The following ZNF804B variants were observed in gnomAD, a reference collection of about 807,000 sequenced individuals.
ZNF804B encodes zinc finger protein 804B.
Under a neutral mutation model 101.4 loss-of-function variants are expected in ZNF804B, and 80 were observed. The observed-to-expected ratio is 0.79, with a 90% confidence interval of 0.66 to 0.95. The LOEUF (loss-of-function observed/expected upper bound fraction) is 0.95, where lower values mean the gene tolerates loss of function less well. Among genes scored for constraint, ZNF804B ranks in the 40% least tolerant of loss-of-function variants. ZNF804B has a pLI of 0.00. For missense variants in ZNF804B, 1,673 were observed against 1,561.9 expected (o/e 1.07, Z -1.20); for synonymous variants, 622 against 558.8 (o/e 1.11, Z -1.59).
chr7:89,194,394 A>G (rs947820677), intron 1 of ZNF804B, among the ~76,000 whole-genome samples: 13 of 150,714 alleles, frequency 8.6e-5, no homozygotes, highest in African/African-American at 2.7e-4. Context: ...GCCCATGCCT[A>G]TGTCCTGAAT....
intron 1 of ZNF804B, among the ~76,000 whole-genome samples, chr7:88,849,649 G>A (rs572887869): frequency 5.3e-5 from 8 of 151,242 alleles, no homozygotes; most frequent in East Asian, 3.9e-4. Flanking sequence ...ACAGGTGCCC[G>A]CCACCACACC....
chr7:88,799,978 T>C (rs944160970), intron 1 of ZNF804B, among the ~76,000 whole-genome samples: 3 of 152,036 alleles, frequency 2.0e-5, no homozygotes. Context: ...GGTTGTGCAC[T>C]TACTAAACTT....
In ZNF804B at chr7:89,336,906, C is replaced by A; in HGVS notation, c.3924C>A (p.Ile1308=). Residue 1308 remains isoleucine (I), a synonymous_variant, in exon 4 of 4, where the codon ATC becomes ATA. Coordinates refer to ENST00000333190, the MANE Select transcript of ZNF804B (RefSeq NM_181646.5). ...TAAATCCAGCCACAACTTCTATCAT[C>A]CACTTGAATCCTTTAATCCAACCAG... ...PHLNPATTSI[I]HLNPLIQPVF... is the part of the protein sequence containing the mutation. The A allele has an allele frequency of 6.2e-7, 1 of 1,614,100 alleles. No individual in the cohort carries two copies. Among genetic ancestry groups the A allele is most frequent in the Non-Finnish European group, 8.5e-7 (1 of 1,179,994 alleles).
chr7:88,984,640 C>A (rs1370400395), intron 1 of ZNF804B, among the ~76,000 whole-genome samples: 1 of 151,972 alleles, frequency 6.6e-6, no homozygotes, highest in African/African-American at 2.4e-5. Flanking sequence ...AGTATCAATG[C>A]AAAAATTCTT....
At chr7:88,765,749 A>G (rs894055706) in intron 1 of ZNF804B, among the ~76,000 whole-genome samples, 12 of 152,326 alleles carry the variant, frequency 7.9e-5, no homozygotes, top group Admixed American at 7.8e-4. Flanking sequence ...AGCCTTTTGT[A>G]GATTGATTTC....
intron 2 of ZNF804B, among the ~76,000 whole-genome samples, chr7:89,326,133 T>G (rs1790892258): frequency 6.6e-6 from 1 of 152,054 alleles, no homozygotes; most frequent in Non-Finnish European, 1.5e-5. Context: ...TTCTTGAAAT[T>G]TTCTATTTTT....
chr7:88,765,960 T>C (rs1789976911), intron 1 of ZNF804B, among the ~76,000 whole-genome samples: 1 of 152,138 alleles, frequency 6.6e-6, no homozygotes, highest in Non-Finnish European at 1.5e-5. Flanking sequence ...GCATTTTCAG[T>C]TGTAGCTAAG....
chr7:88,793,007 G>A (rs1234537704), intron 1 of ZNF804B, among the ~76,000 whole-genome samples: 5 of 151,370 alleles, frequency 3.3e-5, no homozygotes, highest in Non-Finnish European at 7.4e-5. Context: ...AAATTGAGGT[G>A]CACACTGAGA....
At chr7:88,850,305 G>A (rs1404398718) in intron 1 of ZNF804B, among the ~76,000 whole-genome samples, 1 of 152,040 alleles carries the variant, frequency 6.6e-6, no homozygotes, top group Non-Finnish European at 1.5e-5. Flanking sequence ...GAGTTAAGGA[G>A]ATAAAACTGG....
intron 1 of ZNF804B, among the ~76,000 whole-genome samples, chr7:88,967,851 C>CT (rs1793479872): frequency 6.6e-6 from 1 of 151,428 alleles, no homozygotes; most frequent in Non-Finnish European, 1.5e-5. Flanking sequence ...TGAAAGAGTA[C>CT]TGTAGGCCTT....
intron 2 of ZNF804B, among the ~76,000 whole-genome samples, chr7:89,275,313 C>T (rs989321508): frequency 6.6e-6 from 1 of 151,980 alleles, no homozygotes; most frequent in Non-Finnish European, 1.5e-5. Context: ...ACTGTAATAG[C>T]TTTATAACCA....
At chr7:88,794,149 T>G in intron 1 of ZNF804B, 2 of 1,550,680 alleles carry the variant, frequency 1.3e-6, no homozygotes, top group Non-Finnish European at 1.7e-6. Context: ...ACAAACTCCT[T>G]AAGAGACATG....
At chr7:88,850,808 CA>C (rs1751297848) in intron 1 of ZNF804B, among the ~76,000 whole-genome samples, 1 of 151,934 alleles carries the variant, frequency 6.6e-6, no homozygotes, top group Non-Finnish European at 1.5e-5. Context: ...ACAAAAACAA[CA>C]AAAATCATTC....
intron 1 of ZNF804B, among the ~76,000 whole-genome samples, chr7:89,072,365 T>C (rs929674701): frequency 6.6e-6 from 1 of 152,192 alleles, no homozygotes; most frequent in Non-Finnish European, 1.5e-5. Context: ...TTTCCTCTTT[T>C]GGTTTCTACT....
chr7:89,201,572 G>T (rs1279733792), intron 1 of ZNF804B, among the ~76,000 whole-genome samples: 7 of 151,990 alleles, frequency 4.6e-5, no homozygotes, highest in Non-Finnish European at 8.8e-5. Flanking sequence ...AAAGGAGCAT[G>T]TAGTGGAATA....
At chr7:89,293,618 A>G (rs10253386) in intron 2 of ZNF804B, among the ~76,000 whole-genome samples, 72,405 of 151,606 alleles carry the variant, frequency 0.48, 17,815 homozygotes, top group Middle Eastern at 0.65. Context: ...CCCCATCTCT[A>G]CTAAAAATAC....
At chr7:88,934,646 A>T (rs1792939692) in intron 1 of ZNF804B, among the ~76,000 whole-genome samples, 2 of 152,040 alleles carry the variant, frequency 1.3e-5, no homozygotes, top group African/African-American at 4.8e-5. Context: ...AACATGCTAA[A>T]CATTACCAAT....
chr7:89,091,366 G>A (rs970317340), intron 1 of ZNF804B, among the ~76,000 whole-genome samples: 1 of 152,096 alleles, frequency 6.6e-6, no homozygotes, highest in African/African-American at 2.4e-5. Context: ...CAAATATGTA[G>A]TAACAGGTGG....
chr7:89,336,242 A>G lies in ZNF804B; in HGVS notation c.3260A>G (p.Asp1087Gly). 1 of 1,613,858 alleles carries G rather than the reference A, an allele frequency of 6.2e-7. No homozygotes were observed. Among genetic ancestry groups the G allele is most frequent in the East Asian group, 2.2e-5 (1 of 44,850 alleles). Residue 1087 changes from aspartate (D) to glycine (G), a missense_variant, in exon 4 of 4, where the codon GAT becomes GGT. Transcript: ENST00000333190. ...FPSNKYTGVT[D>G]STETQEDQIN... ...TCTAATAAATATACTGGTGTGACTG[A>G]TTCAACAGAGACCCAAGAAGACCAA... is the stretch of plus-strand genomic sequence containing the variant.
Sources: allele counts gnomAD v4.1 joint callset (sites outside exome capture counted in the v4.1 genomes callset), GRCh38; gene constraint gnomAD v4.1.1; transcripts MANE v1.5; gene names NCBI Gene and HGNC (gene_info 2026-07-23, HGNC 2026-07-21).